Variants in ABCB6 observed in about 807,000 individuals in gnomAD.
ABCB6 encodes the protein ATP binding cassette subfamily B member 6 (LAN blood group).
In ABCB6, 87 loss-of-function variants were observed where a neutral mutation model predicts 99.4. The observed-to-expected ratio is 0.88, with a 90% CI of 0.74 to 1.05. ABCB6 has a LOEUF of 1.05. ABCB6 is among the 50% of genes least tolerant of loss of function. The pLI, the probability that ABCB6 is intolerant of heterozygous loss-of-function variation, is 0.00. For synonymous variants in ABCB6, 482 were observed against 447.5 expected (o/e 1.08, Z -0.97); for missense variants, 1,050 against 1,097.9 (o/e 0.96, Z 0.62).
At chr2:219,217,974 A>AG in intron 1 of ABCB6, 151 bp downstream of exon 1, 1 of 1,347,286 alleles carries the variant, frequency 7.4e-7, no homozygotes, top group Admixed American at 2.8e-5. Context: ...ACACCCCACC[A>AG]GCTGGCTATC....
Position 219,216,745 on chromosome 2 carries a change from GA to G in ABCB6, c.774del (p.Pro259GlnfsTer32). On this transcript the variant is annotated frameshift_variant, in exon 3 of 19. Coordinates refer to ENST00000265316, the MANE Select transcript of ABCB6 (RefSeq NM_005689.4). LOFTEE classifies it high-confidence loss of function. The surrounding 1 kb of genome is among the most constrained non-coding windows in gnomAD (Gnocchi z 4.2). Reference sequence around the variant, plus strand: ...ATGAGCACCACCAGCTGCAGAGCTGGACTCCCTCGAGGCCACAGGTAGCCAC... The same window carrying G: ...ATGAGCACCACCAGCTGCAGAGCTGGCTCCCTCGAGGCCACAGGTAGCCAC... Reference protein sequence around the residue: ...LLSGYLWPRGSPALQLVVLIC... With the variant: ...LLSGYLWPRGXPALQLVVLIC... 1 of 1,609,696 alleles carries G rather than the reference GA, an allele frequency of 6.2e-7. No homozygotes were observed. The highest frequency in any genetic ancestry group is 2.2e-5 in the East Asian group (1 of 44,654).
intron 9 of ABCB6, 39 bp downstream of exon 9, chr2:219,213,787 T>G: frequency 6.2e-7 from 1 of 1,613,538 alleles, no homozygotes; most frequent in Non-Finnish European, 8.5e-7. Flanking sequence ...GGCCCCCTTT[T>G]CCTTGTGCCC....
chr2:219,217,421 G>A (rs972960420), intron 2 of ABCB6, among the ~76,000 whole-genome samples: 1 of 152,152 alleles, frequency 6.6e-6, no homozygotes, highest in Non-Finnish European at 1.5e-5. Flanking sequence ...TGAGGCAGGC[G>A]GATCACGAGG....
At chr2:219,215,193 G>A (rs1950624376) in intron 5 of ABCB6, 111 bp from the exon 6 acceptor site, 1 of 1,389,796 alleles carries the variant, frequency 7.2e-7, no homozygotes, top group Non-Finnish European at 9.8e-7. Flanking sequence ...ACTGGAACCA[G>A]TCTTAATTAA....
Position 219,217,701 on chromosome 2 carries a change from T to C in ABCB6, c.656A>G (p.His219Arg). The C allele has an allele frequency of 3.7e-6, 6 of 1,612,604 alleles. No homozygotes were observed. The Middle Eastern group carries it at 5.0e-4, about 133-fold the overall frequency. The change falls in exon 2 of 19, where the codon CAT becomes CGT. Residue 219 changes from histidine to arginine, a missense_variant. Physicochemically the swap from His to Arg is conservative, Grantham distance 29 (BLOSUM62 0). Transcript: ENST00000265316. ...CCTTTCCACATCTTGGTCCTCTTCA[T>C]GAACCTGCAATGTATAGGACTGGGG... ...LRPQSYTLQV[H>R]EEDQDVERSQ...
chr2:219,214,210 T>C (rs747928823), intron 7 of ABCB6, 24 bp from the exon 8 acceptor site: 1 of 1,612,988 alleles, frequency 6.2e-7, no homozygotes, highest in East Asian at 2.2e-5. Context: ...ACCAAATTTA[T>C]TTGGCATGGG....
intron 1 of ABCB6, 37 bp downstream of exon 1, chr2:219,218,088 C>T (rs1181503815): frequency 1.3e-6 from 2 of 1,561,258 alleles, no homozygotes; most frequent in East Asian, 2.3e-5. Context: ...CCAAGCCCGG[C>T]CAGCAGAGGC....
Position 219,217,610 on chromosome 2 carries a change from C to T in ABCB6, c.687+60G>A, listed in dbSNP as rs1277474860. The T allele has an allele frequency of 8.2e-6, 12 of 1,465,584 alleles. No homozygotes were observed. The Middle Eastern group carries it at 5.8e-4, about 71-fold the overall frequency. The allele number at this position is 1,465,584 out of a possible 1,614,324, so 90.8% of individuals were successfully genotyped here. A position where few individuals can be genotyped will look rare whatever the true frequency, so the allele number is the denominator to read the frequency against. ...AGTGAGCTGAGATCACGCCACTGCA[C>T]TCCAGCCTGGTGACAGAGCAAGACT... On this transcript the variant is annotated intron_variant, in intron 2 of 18. Transcript: ENST00000265316.
chr2:219,214,758 G>T, intron 6 of ABCB6: 1 of 654,426 alleles, frequency 1.5e-6, no homozygotes. Context: ...AACGTGACAA[G>T]AATGTCCTTC....
intron 9 of ABCB6, 58 bp downstream of exon 9, chr2:219,213,768 C>T (rs1042258296): frequency 9.9e-6 from 16 of 1,613,278 alleles, no homozygotes; most frequent in Non-Finnish European, 1.4e-5. Flanking sequence ...TGACCAGACA[C>T]AGGCCTCAGG....
At position 219,211,057 on chromosome 2, in the gene ABCB6, C is replaced by G. The variant is rs752858081; in HGVS notation, c.2020G>C (p.Val674Leu). The G allele has an allele frequency of 1.2e-6, 2 of 1,614,026 alleles. No homozygotes were observed. Among genetic ancestry groups the G allele is most frequent in the South Asian group, 2.2e-5 (2 of 91,084 alleles). Reference sequence around the variant, plus strand: ...TCGGCGATGGTGTCATTAAAGAGGACAGTGTCTTGGGGCACAACTCCAATG... The same window carrying G: ...TCGGCGATGGTGTCATTAAAGAGGAGAGTGTCTTGGGGCACAACTCCAATG... ...SHIGVVPQDT[V>L]LFNDTIADNI... The change falls in exon 15 of 19, where the codon GTC (valine) becomes CTC (leucine). Residue 674 changes from valine to leucine, a missense_variant. By Grantham distance (32) the Val-to-Leu change is conservative (BLOSUM62 1). Transcript: ENST00000265316.
intron 16 of ABCB6, 22 bp downstream of exon 16, chr2:219,210,689 G>GGGGA: frequency 6.2e-7 from 1 of 1,613,208 alleles, no homozygotes; most frequent in Non-Finnish European, 8.5e-7. Context: ...GCAGGAAGGA[G>GGGGA]GGGAGGAGAC....
chr2:219,215,369 A>G (rs1365004586), intron 5 of ABCB6: 1 of 340,062 alleles, frequency 2.9e-6, no homozygotes, highest in East Asian at 6.5e-5. Flanking sequence ...TCACAATACC[A>G]TTTGTTTTAG....
At chr2:219,213,789 C>A (rs747533202) in intron 9 of ABCB6, 37 bp downstream of exon 9, 1 of 1,613,832 alleles carries the variant, frequency 6.2e-7, no homozygotes, top group Admixed American at 1.7e-5. Context: ...CCCCCTTTTC[C>A]TTGTGCCCCA....
rs201482246 is a variant in ABCB6, at chr2:219,213,706, T to G, written c.1579-40A>C. On this transcript the variant is annotated intron_variant, in intron 9 of 18. Coordinates refer to ENST00000265316, the MANE Select transcript of ABCB6 (RefSeq NM_005689.4). ...GAAGCAGAGCATGTCACGGGGGGCC[T>G]GCAGGCCGCTCTTCTTGTGTCACCC... The G allele has an allele frequency of 2.0e-5, 33 of 1,613,650 alleles. No homozygotes were observed. In the African/African-American group the frequency reaches 4.0e-4, roughly 20 times the overall value.
intron 16 of ABCB6, 39 bp from the exon 17 acceptor site, chr2:219,210,514 A>G: frequency 1.2e-6 from 2 of 1,607,640 alleles, no homozygotes; most frequent in Non-Finnish European, 1.7e-6. Flanking sequence ...CCTGCCACTC[A>G]AAACCCTCAA....
rs1559238273 is a variant in ABCB6 at position 219,216,716 on chromosome 2, G to C, written c.804C>G (p.Cys268Trp). 1 of 1,602,192 alleles carries C rather than the reference G, an allele frequency of 6.2e-7. No homozygotes were observed. The highest frequency in any genetic ancestry group is 1.1e-5 in the South Asian group (1 of 89,332). ...CCCGTTCCAAACCCATGAGCCCCAG[G>C]CAGATGAGCACCACCAGCTGCAGAG... is the stretch of plus-strand genomic sequence containing the variant. ...SPALQLVVLI[C>W]LGLMGLERAL... Residue 268 changes from cysteine (C) to tryptophan (W), a missense_variant, in exon 3 of 19, where the codon TGC becomes TGG. Physicochemically the swap from Cys to Trp is radical, Grantham distance 215. Transcript: ENST00000265316. The surrounding 1 kb of genome is among the most constrained non-coding windows in gnomAD (Gnocchi z 4.2).
At chr2:219,215,875 TA>T in intron 5 of ABCB6, 121 bp downstream of exon 5, 4 of 1,132,522 alleles carry the variant, frequency 3.5e-6, no homozygotes, top group Non-Finnish European at 4.8e-6. Flanking sequence ...TCCTATACTT[TA>T]AAAAACACCA....
At chr2:219,215,853 T>C (rs1214831148) in intron 5 of ABCB6, 144 bp downstream of exon 5, 29 of 821,808 alleles carry the variant, frequency 3.5e-5, no homozygotes, top group Non-Finnish European at 1.4e-5. Context: ...TAGGAGAGCA[T>C]GTATACAATA....
Sources: gnomAD v4.1 joint callset for allele counts (sites outside exome capture counted in the v4.1 genomes callset) on GRCh38, gnomAD v4.1.1 for gene constraint, Gnocchi (gnomAD v3.1) non-coding constraint, MANE v1.5 for transcripts, NCBI Gene and HGNC (gene_info 2026-07-23, HGNC 2026-07-21) for gene names.